LPP: variants seen among roughly 807,000 people sequenced by gnomAD.
LPP encodes the protein LIM domain containing preferred translocation partner in lipoma, also known as lipoma-preferred partner.
In LPP, 38 loss-of-function variants were observed where a neutral mutation model predicts 60.4. That is an observed-to-expected ratio of 0.63 (90% confidence interval 0.49 to 0.83). LPP has a LOEUF of 0.83. Among genes scored for constraint, LPP ranks in the 40% least tolerant of loss-of-function variants. The probability of loss-of-function intolerance (pLI) is 0.00; values close to 1 mark genes in which losing one functional copy is unlikely to be tolerated. For missense variants in LPP, 902 were observed against 783.6 expected (o/e 1.15, Z -1.80); for synonymous variants, 328 against 290.8 (o/e 1.13, Z -1.30).
At chr3:188,257,502 G>C (rs1732054605) in intron 2 of LPP, among the ~76,000 whole-genome samples, 1 of 152,232 alleles carries the variant, frequency 6.6e-6, no homozygotes, top group Non-Finnish European at 1.5e-5. Flanking sequence ...CTGAGGGAAA[G>C]GAACTGACAT....
chr3:188,407,780 G>GTTTTTTTT lies in LPP; in HGVS notation c.193+1470_193+1471insTTTTTTTT, dbSNP rs1268002703. Among the ~76,000 whole-genome samples, 33 of 94,902 alleles carry GTTTTTTTT rather than the reference G, an allele frequency of 3.5e-4. 2 individuals carry two copies. Among genetic ancestry groups the GTTTTTTTT allele is most frequent in the African/African-American group, 6.3e-4 (15 of 23,716 alleles). 62.3% of individuals were successfully genotyped at this position (94,902 alleles called of 152,430 possible). A position where few individuals can be genotyped will look rare whatever the true frequency, so the allele number is the denominator to read the frequency against. ...TTCCTCATTTATGGTTTTTTTTTTT[G>GTTTTTTTT]TTTGTTTGTTTTTTTTTTTTTTTTT... On this transcript the variant is annotated intron_variant, in intron 4 of 11. Coordinates refer to ENST00000617246, the MANE Select transcript of LPP (RefSeq NM_001375462.1).
At chr3:188,590,530 C>T (rs746377457) in intron 6 of LPP, among the ~76,000 whole-genome samples, 3 of 151,984 alleles carry the variant, frequency 2.0e-5, no homozygotes, top group Non-Finnish European at 2.9e-5. Context: ...GCTGAGATCG[C>T]GTCACTGCAA....
chr3:188,450,911 C>T (rs560384007), intron 4 of LPP, among the ~76,000 whole-genome samples: 1 of 152,256 alleles, frequency 6.6e-6, no homozygotes, highest in East Asian at 1.9e-4. Context: ...TTGGCTGCCA[C>T]AAATGTACTG....
Position 188,888,111 on chromosome 3 carries a change from T to C in LPP, c.*13632T>C, listed in dbSNP as rs566375454. 1.4e-5 allele frequency: 3 copies of C among 220,628 alleles called. No homozygotes were observed. Among genetic ancestry groups the C allele is most frequent in the Admixed American group, 1.2e-4 (2 of 17,362 alleles). The allele number at this position is 220,628 out of a possible 1,614,324, so 13.7% of individuals were successfully genotyped here. Reference sequence around the variant, plus strand: ...TTGGATGTAGCGTTGAGCTTTTGCATGTTTTCTGTATAATAAACCACTTTT... The same window carrying C: ...TTGGATGTAGCGTTGAGCTTTTGCACGTTTTCTGTATAATAAACCACTTTT... On this transcript the variant is annotated 3_prime_UTR_variant, in exon 12 of 12. Transcript: ENST00000617246.
At position 188,383,191 on chromosome 3, in the gene LPP, AT is replaced by A. The variant is rs373804250; in HGVS notation, c.-9-22916del. ...CATATTAAAAATTTATGAGGATTCT[AT>A]TTTTGGGTTCCATTCTATTTAATTC... On this transcript the variant is annotated intron_variant, in intron 3 of 11. Coordinates refer to ENST00000617246, the MANE Select transcript of LPP (RefSeq NM_001375462.1). 4.0e-4 allele frequency among the ~76,000 whole-genome samples: 61 copies of A among 152,244 alleles called. 1 individual carries two copies. The East Asian group carries it at 0.011, about 26-fold the overall frequency.
At chr3:188,470,187 C>T (rs1156646515) in intron 4 of LPP, among the ~76,000 whole-genome samples, 1 of 151,788 alleles carries the variant, frequency 6.6e-6, no homozygotes, top group Admixed American at 6.6e-5. Context: ...TACCTAACTG[C>T]AGCAGTGATT....
intron 5 of LPP, among the ~76,000 whole-genome samples, chr3:188,510,177 G>T (rs1338085112): frequency 6.6e-6 from 1 of 152,192 alleles, no homozygotes; most frequent in Non-Finnish European, 1.5e-5. Context: ...TGATTTTTAA[G>T]TTGAGACAAG....
chr3:188,269,643 T>TTGTGTG (rs67333120), intron 2 of LPP, among the ~76,000 whole-genome samples: 8 of 134,376 alleles, frequency 6.0e-5, no homozygotes, highest in African/African-American at 2.5e-4. Context: ...GCCTTTTTTT[T>TTGTGTG]TATGTGTGTG....
chr3:188,843,563 G>A (rs949241068), intron 9 of LPP, among the ~76,000 whole-genome samples: 8 of 151,540 alleles, frequency 5.3e-5, no homozygotes, highest in East Asian at 2.0e-4. Flanking sequence ...CGAGGCGGGC[G>A]GATCACGAGG....
Position 188,791,674 on chromosome 3 carries a change from T to C in LPP, c.1410+31392T>C, listed in dbSNP as rs6771446. Among the ~76,000 whole-genome samples the C allele has an allele frequency of 8.5e-3, 1,296 of 152,284 alleles. 20 individuals carry two copies. The highest frequency in any genetic ancestry group is 0.029 in the African/African-American group (1,189 of 41,556). On this transcript the variant is annotated intron_variant, in intron 9 of 11. Coordinates refer to ENST00000617246, the MANE Select transcript of LPP (RefSeq NM_001375462.1). ...TCTTTCTGTACCTAGAACACTCGTC[T>C]TGGGCTTTTGCCTGGCCAGTACATT...
intron 8 of LPP, among the ~76,000 whole-genome samples, chr3:188,755,247 A>T (rs1729746803): frequency 6.6e-6 from 1 of 152,222 alleles, no homozygotes; most frequent in African/African-American, 2.4e-5. Context: ...ACCTGGCTTT[A>T]CATCTGCACA....
chr3:188,211,480 G>A (rs972286147), intron 1 of LPP, among the ~76,000 whole-genome samples: 6 of 151,910 alleles, frequency 3.9e-5, no homozygotes, highest in South Asian at 2.1e-4. Context: ...TTCCCATCTC[G>A]GAGCACCTCC....
At chr3:188,242,701 C>T (rs764963264) in intron 2 of LPP, among the ~76,000 whole-genome samples, 3 of 152,128 alleles carry the variant, frequency 2.0e-5, no homozygotes, top group Non-Finnish European at 4.4e-5. Flanking sequence ...CATCAAGGTC[C>T]CTTCTGAGGC....
rs541577697 is a variant in LPP at position 188,301,987 on chromosome 3, A to AC, written c.-66-39676_-66-39675insC. On this transcript the variant is annotated intron_variant, in intron 2 of 11. Coordinates refer to ENST00000617246, the MANE Select transcript of LPP (RefSeq NM_001375462.1). ...TACTGACTTAAAAAAAAAGAAAAAA[A>AC]AAACAACAACCCAGAACATATTGTA... Among the ~76,000 whole-genome samples, 438 of 152,066 alleles carry AC rather than the reference A, an allele frequency of 2.9e-3. 2 individuals carry two copies. The highest frequency in any genetic ancestry group is 0.01 in the African/African-American group (423 of 41,438).
chr3:188,750,837 T>G (rs1230873144), intron 8 of LPP, among the ~76,000 whole-genome samples: 1 of 152,224 alleles, frequency 6.6e-6, no homozygotes, highest in African/African-American at 2.4e-5. Context: ...TTACATGTTA[T>G]GTACATGGAT....
rs1769830443 is a variant in LPP at position 188,880,460 on chromosome 3, T to A, written c.*5981T>A. The A allele has an allele frequency of 5.2e-6, 1 of 191,288 alleles. No individual in the cohort carries two copies. The allele number at this position is 191,288 out of a possible 1,614,324, so 11.8% of individuals were successfully genotyped here. ...TGATGCACGAATAAATATCTCTACA[T>A]CTAGCCTTTGTTAAAAATAAAAATT... On this transcript the variant is annotated 3_prime_UTR_variant, in exon 12 of 12. Transcript: ENST00000617246.
Position 188,629,559 on chromosome 3 carries a change from A to G in LPP, c.1113+19715A>G, listed in dbSNP as rs185205730. Among the ~76,000 whole-genome samples, 10 of 152,278 alleles carry G rather than the reference A, an allele frequency of 6.6e-5. No homozygotes were observed. In the East Asian group the frequency reaches 1.9e-3, roughly 29 times the overall value. ...ATGAGAATTATAAAACACAGCTGAA[A>G]TAAATCAGAGATGAAACAAATATAT... On this transcript the variant is annotated intron_variant, in intron 7 of 11. Transcript: ENST00000617246.
chr3:188,315,903 A>G (rs1754896948), intron 2 of LPP, among the ~76,000 whole-genome samples: 2 of 152,250 alleles, frequency 1.3e-5, no homozygotes. Flanking sequence ...TTTTTAGGTC[A>G]TGATATTAAT....
At chr3:188,466,460 T>C (rs1326772818) in intron 4 of LPP, among the ~76,000 whole-genome samples, 1 of 152,016 alleles carries the variant, frequency 6.6e-6, no homozygotes, top group Non-Finnish European at 1.5e-5. Flanking sequence ...TACTAAGCAG[T>C]TTCCTTGGAT....
Sources: gnomAD v4.1 joint callset for allele counts (sites outside exome capture counted in the v4.1 genomes callset) on GRCh38, gnomAD v4.1.1 for gene constraint, MANE v1.5 for transcripts, NCBI Gene and HGNC (gene_info 2026-07-23, HGNC 2026-07-21) for gene names.